Variants in ARG2 observed in about 807,000 individuals in gnomAD.
ARG2 encodes the protein arginase-2, mitochondrial.
A neutral mutation model predicts 39.4 loss-of-function variants in ARG2; 21 were observed. The observed-to-expected ratio is 0.53, with a 90% CI of 0.38 to 0.77. ARG2 has a LOEUF of 0.77. Among genes scored for constraint, ARG2 ranks in the 30% least tolerant of loss-of-function variants. The pLI, the probability that ARG2 is intolerant of heterozygous loss-of-function variation, is 0.00. For missense variants in ARG2, 378 were observed against 426.2 expected (o/e 0.89, Z 1.00); for synonymous variants, 150 against 156.7 (o/e 0.96, Z 0.32).
At position 67,625,680 on chromosome 14, in the gene ARG2, C is replaced by CAAAAA. The variant is rs1176476000; in HGVS notation, c.184+4730_184+4734dup. ...GGGCAACGAGAGCAAAACTCCATCT[C>CAAAAA]AAAAAAAAAAAAAAAAAAAAGAAAC... On this transcript the variant is annotated intron_variant, in intron 2 of 7. Coordinates refer to ENST00000261783, the MANE Select transcript of ARG2 (RefSeq NM_001172.4). Among the ~76,000 whole-genome samples, 81 of 31,816 alleles carry CAAAAA rather than the reference C, an allele frequency of 2.5e-3. 1 individual carries two copies. Among genetic ancestry groups the CAAAAA allele is most frequent in the African/African-American group, 5.6e-3 (53 of 9,538 alleles). 20.9% of individuals were successfully genotyped at this position (31,816 alleles called of 152,430 possible). A position where few individuals can be genotyped will look rare whatever the true frequency, so the allele number is the denominator to read the frequency against.
chr14:67,629,959 A>T (rs1195454816), intron 2 of ARG2, among the ~76,000 whole-genome samples: 1 of 152,204 alleles, frequency 6.6e-6, no homozygotes, highest in South Asian at 2.1e-4. Context: ...AAAAATCTTT[A>T]AAAAATCATC....
Position 67,651,030 on chromosome 14 carries a change from A to G in ARG2, c.*110A>G. Reference sequence around the variant, plus strand: ...CTGGGTCAATACTGCCTTAATGAGAACATTTACACATTCTCACAATTGTAA... The same window carrying G: ...CTGGGTCAATACTGCCTTAATGAGAGCATTTACACATTCTCACAATTGTAA... On this transcript the variant is annotated 3_prime_UTR_variant, in exon 8 of 8. Transcript: ENST00000261783. The G allele has an allele frequency of 8.9e-7, 1 of 1,129,778 alleles. No homozygotes were observed. Among genetic ancestry groups the G allele is most frequent in the East Asian group, 2.5e-5 (1 of 39,542 alleles). The allele number at this position is 1,129,778 out of a possible 1,614,324, so 70.0% of individuals were successfully genotyped here.
chr14:67,630,988 G>C (rs566962457), intron 2 of ARG2, among the ~76,000 whole-genome samples: 2 of 152,084 alleles, frequency 1.3e-5, no homozygotes, highest in African/African-American at 2.4e-5. Context: ...ACTAACACTC[G>C]GCAGTGCCCT....
intron 2 of ARG2, among the ~76,000 whole-genome samples, chr14:67,627,256 G>GATATAT (rs3070464): frequency 0.025 from 3,380 of 133,578 alleles, 65 homozygotes; most frequent in Middle Eastern, 0.043. Flanking sequence ...TCAGTAAGGA[G>GATATAT]ATATATATAT....
rs569926231 is a variant in ARG2 at position 67,621,286 on chromosome 14, T to G, written c.184+320T>G. Among the ~76,000 whole-genome samples, 12 of 152,336 alleles carry G rather than the reference T, an allele frequency of 7.9e-5. No individual in the cohort carries two copies. The East Asian group carries it at 2.3e-3, about 29-fold the overall frequency. On this transcript the variant is annotated intron_variant, in intron 2 of 7. Transcript: ENST00000261783. ...CTTTCCCCTTAAAATTCCATTTTCC[T>G]AACTCCATCTTGAGATGCTTATGAT...
chr14:67,639,037 G>A (rs562426814), intron 2 of ARG2, among the ~76,000 whole-genome samples: 11 of 149,876 alleles, frequency 7.3e-5, no homozygotes, highest in Non-Finnish European at 1.3e-4. Context: ...ACCCCCGACA[G>A]AAGTTAGTAA....
In ARG2 at chr14:67,631,430, C is replaced by CTTTTTT. The variant is rs1447220086; in HGVS notation, c.184+10467_184+10468insTTTTTT. Among the ~76,000 whole-genome samples, 43 of 128,470 alleles carry CTTTTTT rather than the reference C, an allele frequency of 3.3e-4. 4 individuals carry two copies. Among genetic ancestry groups the CTTTTTT allele is most frequent in the South Asian group, 7.4e-4 (3 of 4,048 alleles). The allele number at this position is 128,470 out of a possible 152,430, so 84.3% of individuals were successfully genotyped here. On this transcript the variant is annotated intron_variant, in intron 2 of 7. Transcript: ENST00000261783. ...AATTCCTCTAGTAAATCCTTTCTTT[C>CTTTTTT]TTTCTTTTTTTTTTTTTTTTTTTGA...
intron 7 of ARG2, chr14:67,649,503 A>AT (rs2037144958): frequency 6.6e-6 from 1 of 152,208 alleles, no homozygotes; most frequent in African/African-American, 2.4e-5. Flanking sequence ...GTCTGGAAAC[A>AT]TAAGTCATGT....
chr14:67,621,004 GTAA>G (rs1566793104), intron 2 of ARG2, 38 bp downstream of exon 2: 1 of 1,580,718 alleles, frequency 6.3e-7, no homozygotes, highest in South Asian at 1.1e-5. Flanking sequence ...TGCAGGACTA[GTAA>G]TAGACCACTT....
chr14:67,638,634 T>C (rs183321327), intron 2 of ARG2, among the ~76,000 whole-genome samples: 91 of 152,288 alleles, frequency 6.0e-4, no homozygotes, highest in African/African-American at 2.2e-3. Context: ...GAGTTCGTTC[T>C]TCCTGAATAT....
At chr14:67,623,532 A>C in intron 2 of ARG2, among the ~76,000 whole-genome samples, 1 of 124,746 alleles carries the variant, frequency 8.0e-6, no homozygotes, top group Non-Finnish European at 1.6e-5. Flanking sequence ...CTCTCAGGTA[A>C]CCTTTTTTTT....
chr14:67,630,382 A>G (rs979551789), intron 2 of ARG2, among the ~76,000 whole-genome samples: 8 of 152,174 alleles, frequency 5.3e-5, no homozygotes, highest in Admixed American at 2.6e-4. Flanking sequence ...GCTACTGGCA[A>G]GGCCTCTGCC....
intron 2 of ARG2, among the ~76,000 whole-genome samples, chr14:67,635,784 G>A (rs2036965558): frequency 6.6e-6 from 1 of 152,078 alleles, no homozygotes; most frequent in South Asian, 2.1e-4. Flanking sequence ...TCCGGTGGGT[G>A]GAGGTTGCAG....
chr14:67,650,864 C>T lies in ARG2; in HGVS notation c.1009C>T (p.Leu337Phe), dbSNP rs1176691930. 1 of 1,614,226 alleles carries T rather than the reference C, an allele frequency of 6.2e-7. No individual in the cohort carries two copies. Among genetic ancestry groups the T allele is most frequent in the South Asian group, 1.1e-5 (1 of 91,086 alleles). The change falls in exon 8 of 8, where the codon CTT (leucine) becomes TTT (phenylalanine). Residue 337 changes from leucine to phenylalanine, a missense_variant. Coordinates refer to ENST00000261783, the MANE Select transcript of ARG2 (RefSeq NM_001172.4). The part of the protein sequence containing the change: ...REGGHIVYDQ[L>F]PTPSSPDESE... ...AGGAGGGCATATTGTCTATGACCAA[C>T]TTCCTACTCCCAGTTCACCAGATGA...
intron 2 of ARG2, among the ~76,000 whole-genome samples, chr14:67,635,858 ATT>A (rs919387509): frequency 6.6e-6 from 1 of 152,118 alleles, no homozygotes; most frequent in South Asian, 2.1e-4. Flanking sequence ...TCTAAAAAAA[ATT>A]TTTTTTAAAT....
chr14:67,620,126 C>T (rs1261310713), intron 1 of ARG2, 38 bp downstream of exon 1: 28 of 1,460,924 alleles, frequency 1.9e-5, no homozygotes, highest in Non-Finnish European at 2.6e-5. Context: ...GCAGGATCCT[C>T]CGCCCCCTAG....
chr14:67,637,275 TG>T (rs2036981685), intron 2 of ARG2, among the ~76,000 whole-genome samples: 1 of 151,958 alleles, frequency 6.6e-6, no homozygotes, highest in African/African-American at 2.4e-5. Context: ...CTGGGCATGG[TG>T]GTGCATGCCT....
At chr14:67,621,276 T>A (rs1237599696) in intron 2 of ARG2, among the ~76,000 whole-genome samples, 1 of 152,152 alleles carries the variant, frequency 6.6e-6, no homozygotes, top group Non-Finnish European at 1.5e-5. Flanking sequence ...CCCTTAAAAT[T>A]CCATTTTCCT....
rs186580048 is a variant in ARG2 at position 67,620,993 on chromosome 14, G to A, written c.184+27G>A. On this transcript the variant is annotated intron_variant, in intron 2 of 7. Transcript: ENST00000261783. ...TAAGTGGTTAGATTTTTAGATATTA[G>A]TGCAGGACTAGTAATAGACCACTTC... 3.1e-6 allele frequency: 5 copies of A among 1,605,256 alleles called. No individual in the cohort carries two copies. The Admixed American group carries it at 6.7e-5, about 21-fold the overall frequency.
Sources: gnomAD v4.1 joint callset for allele counts (sites outside exome capture counted in the v4.1 genomes callset) on GRCh38, gnomAD v4.1.1 for gene constraint, MANE v1.5 for transcripts, NCBI Gene and HGNC (gene_info 2026-07-23, HGNC 2026-07-21) for gene names.